The following XKR4 variants were observed in gnomAD, a reference collection of about 807,000 sequenced individuals.
XKR4 encodes XK-related protein 4.
Under a neutral mutation model 53.9 loss-of-function variants are expected in XKR4, and 12 were observed. That is an observed-to-expected ratio of 0.22 (90% CI 0.14 to 0.36). The LOEUF (loss-of-function observed/expected upper bound fraction) is 0.36, where lower values mean the gene tolerates loss of function less well. XKR4 is among the 10% of genes least tolerant of loss of function. The pLI is 1.00. For missense variants in XKR4, 799 were observed against 859.5 expected (o/e 0.93, Z 0.88); for synonymous variants, 354 against 362.4 (o/e 0.98, Z 0.26).
intron 1 of XKR4, among the ~76,000 whole-genome samples, chr8:55,151,975 A>C (rs1816846241): frequency 6.6e-6 from 1 of 152,186 alleles, no homozygotes; most frequent in Admixed American, 6.5e-5. Flanking sequence ...CATTAAATTA[A>C]ATTCCTAGAA....
chr8:55,357,179 G>C (rs751249764), intron 1 of XKR4, among the ~76,000 whole-genome samples: 23 of 152,128 alleles, frequency 1.5e-4, no homozygotes, highest in Non-Finnish European at 3.2e-4. Flanking sequence ...GGGTATAGTG[G>C]ATGCATTACT....
chr8:55,495,286 C>A (rs147696364), intron 2 of XKR4, among the ~76,000 whole-genome samples: 5 of 152,286 alleles, frequency 3.3e-5, no homozygotes, highest in Non-Finnish European at 7.4e-5. Context: ...TAGCGAGGGC[C>A]TTCCTGGACC....
chr8:55,187,314 AAAAAAAAAAAAGAAG>A (rs1189842286), intron 1 of XKR4, among the ~76,000 whole-genome samples: 1 of 151,458 alleles, frequency 6.6e-6, no homozygotes, highest in East Asian at 1.9e-4. Context: ...CCAAAAAAAA[AAAAAAAAAAAAGAAG>A]AAGAATACCT....
intron 2 of XKR4, 136 bp from the exon 3 acceptor site, chr8:55,523,141 CAAAA>C (rs35183687): frequency 2.3e-3 from 1,367 of 584,108 alleles, no homozygotes; most frequent in South Asian, 4.9e-3. Flanking sequence ...GACTCTGTCT[CAAAA>C]AAAAAAAAAA....
chr8:55,453,637 C>A, intron 2 of XKR4: 1 of 424,020 alleles, frequency 2.4e-6, no homozygotes, highest in South Asian at 1.9e-5. Flanking sequence ...GGTCCACGAT[C>A]CACTGCATGG....
At chr8:55,352,349 T>C (rs1248022697) in intron 1 of XKR4, among the ~76,000 whole-genome samples, 2 of 152,216 alleles carry the variant, frequency 1.3e-5, no homozygotes, top group African/African-American at 4.8e-5. Flanking sequence ...AGTGTTTCAA[T>C]GAGTGTGGGA....
chr8:55,221,511 G>A (rs1817880300), intron 1 of XKR4, among the ~76,000 whole-genome samples: 1 of 152,194 alleles, frequency 6.6e-6, no homozygotes, highest in Admixed American at 6.5e-5. Flanking sequence ...TGATGTTTCT[G>A]ATGGTCAAAG....
chr8:55,303,193 G>A (rs145023164), intron 1 of XKR4, among the ~76,000 whole-genome samples: 1,889 of 152,258 alleles, frequency 0.012, 38 homozygotes, highest in African/African-American at 0.043. Flanking sequence ...TTTATTGAGA[G>A]TTTTTAGCAT....
chr8:55,241,267 T>C (rs16921486), intron 1 of XKR4, among the ~76,000 whole-genome samples: 37,353 of 152,118 alleles, frequency 0.25, 5,041 homozygotes, highest in East Asian at 0.49. Flanking sequence ...CCTGTTTCTC[T>C]TCCCTCATAG....
chr8:55,357,585 C>A, intron 1 of XKR4, 93 bp from the exon 2 acceptor site: 1 of 1,316,672 alleles, frequency 7.6e-7, no homozygotes, highest in Non-Finnish European at 1.1e-6. Flanking sequence ...TGCTTGCTTG[C>A]ATATGGTGGC....
At position 55,523,786 on chromosome 8, in the gene XKR4, T is replaced by G. The variant is rs758687173; in HGVS notation, c.1512T>G (p.Val504=). The change falls in exon 3 of 3, where the codon GTT becomes GTG. Residue 504 remains valine, a synonymous_variant. Coordinates refer to ENST00000327381, the MANE Select transcript of XKR4 (RefSeq NM_052898.2). ...TCAGCAGCTTTTTAACTGGCGTTGT[T>G]TTTATGCTGATGTATTATGCCTTCT... is the stretch of plus-strand genomic sequence containing the variant. ...VVFSSFLTGV[V]FMLMYYAFFH... is the part of the protein sequence containing the mutation. The G allele has an allele frequency of 6.2e-7, 1 of 1,614,196 alleles. No individual in the cohort carries two copies. Among genetic ancestry groups the G allele is most frequent in the South Asian group, 1.1e-5 (1 of 91,072 alleles).
rs1053152455 is a variant in XKR4 at position 55,530,367 on chromosome 8, A to G, written c.*6140A>G. ...CTAGCTTGAACAATCATATAAGTCT[A>G]GGAACCTTATTTTAGTGTTAGATGC... On this transcript the variant is annotated 3_prime_UTR_variant, in exon 3 of 3. Transcript: ENST00000327381. 4.6e-5 allele frequency: 7 copies of G among 152,218 alleles called. No individual in the cohort carries two copies. Among genetic ancestry groups the G allele is most frequent in the African/African-American group, 1.4e-4 (6 of 41,460 alleles). 9.4% of individuals were successfully genotyped at this position (152,218 alleles called of 1,614,324 possible).
intron 2 of XKR4, among the ~76,000 whole-genome samples, chr8:55,373,341 AT>A (rs1362842591): frequency 6.6e-6 from 1 of 152,094 alleles, no homozygotes; most frequent in Non-Finnish European, 1.5e-5. Flanking sequence ...TAATGTTTGT[AT>A]TTTTAGTAGA....
chr8:55,379,605 G>A (rs1361712738), intron 2 of XKR4, among the ~76,000 whole-genome samples: 2 of 152,202 alleles, frequency 1.3e-5, no homozygotes, highest in Non-Finnish European at 1.5e-5. Context: ...AGCATTTCCC[G>A]GGTGCTGGTG....
At chr8:55,145,823 T>C (rs1816766420) in intron 1 of XKR4, among the ~76,000 whole-genome samples, 1 of 152,228 alleles carries the variant, frequency 6.6e-6, no homozygotes, top group South Asian at 2.1e-4. Flanking sequence ...GTGCAGTAGA[T>C]GCAAAATGAA....
intron 1 of XKR4, among the ~76,000 whole-genome samples, chr8:55,270,925 A>G (rs1463371328): frequency 1.3e-5 from 2 of 152,204 alleles, no homozygotes; most frequent in African/African-American, 4.8e-5. Flanking sequence ...GCTCTGGTTA[A>G]GAGTGAGCTG....
intron 1 of XKR4, among the ~76,000 whole-genome samples, chr8:55,207,493 C>T (rs951865901): frequency 6.6e-6 from 1 of 152,152 alleles, no homozygotes; most frequent in Non-Finnish European, 1.5e-5. Flanking sequence ...CACTTGTCAG[C>T]CCCATTACAT....
At chr8:55,301,066 A>G (rs2129376776) in intron 1 of XKR4, among the ~76,000 whole-genome samples, 1 of 151,986 alleles carries the variant, frequency 6.6e-6, no homozygotes. Flanking sequence ...ACATATGTAT[A>G]CATGTACCAT....
At chr8:55,389,004 G>A (rs879761101) in intron 2 of XKR4, among the ~76,000 whole-genome samples, 1 of 152,132 alleles carries the variant, frequency 6.6e-6, no homozygotes, top group Non-Finnish European at 1.5e-5. Context: ...AGGTGATCAG[G>A]GTGGGGGATC....
Sources: allele counts gnomAD v4.1 joint callset (sites outside exome capture counted in the v4.1 genomes callset), GRCh38; gene constraint gnomAD v4.1.1; transcripts MANE v1.5; gene names NCBI Gene and HGNC (gene_info 2026-07-23, HGNC 2026-07-21).